The following INTS12 variants were observed in gnomAD, a reference collection of about 807,000 sequenced individuals.
INTS12 encodes integrator complex subunit 12, also known as PHD finger protein 22.
Under a neutral mutation model 41.6 loss-of-function variants are expected in INTS12, and 13 were observed. The observed-to-expected ratio is 0.31, with a 90% CI of 0.20 to 0.50. The LOEUF (loss-of-function observed/expected upper bound fraction) is 0.50. Ranked by LOEUF, INTS12 falls within the 20% of genes least tolerant of loss-of-function variation. INTS12 has a pLI of 0.98. For missense variants in INTS12, 432 were observed against 541.6 expected, an observed-to-expected ratio of 0.80 and a Z score of 2.01; for synonymous variants, 199 against 191.4, an observed-to-expected ratio of 1.04 and a Z score of -0.33.
chr4:105,683,034 G>C lies in INTS12; in HGVS notation c.1088C>G (p.Pro363Arg), dbSNP rs758621387. Residue 363 changes from proline (P) to arginine (R), a missense_variant, in exon 8 of 8, where the codon CCT becomes CGT. By Grantham distance (103) the Pro-to-Arg change is moderately radical (BLOSUM62 -2). Transcript: ENST00000340139. ...STTPTVPLKPPPPLTLGKTGL... is the reference protein window; with the variant it reads ...STTPTVPLKPRPPLTLGKTGL... Reference sequence around the variant, plus strand: ...AGTTTTACCCAAGGTTAGAGGTGGAGGTGGTTTTAAAGGTACAGTGGGCGT... The same window carrying C: ...AGTTTTACCCAAGGTTAGAGGTGGACGTGGTTTTAAAGGTACAGTGGGCGT... 2 of 1,614,016 alleles carry C rather than the reference G, an allele frequency of 1.2e-6. No individual in the cohort carries two copies. Among genetic ancestry groups the C allele is most frequent in the African/African-American group, 1.3e-5 (1 of 74,914 alleles).
intron 1 of INTS12, among the ~76,000 whole-genome samples, chr4:105,704,894 A>G (rs1217614759): frequency 1.3e-5 from 2 of 152,154 alleles, no homozygotes; most frequent in South Asian, 2.1e-4. Flanking sequence ...CTACCACCCT[A>G]GACCAACCTA....
At chr4:105,688,302 G>C (rs1731564870) in intron 6 of INTS12, among the ~76,000 whole-genome samples, 1 of 152,092 alleles carries the variant, frequency 6.6e-6, no homozygotes, top group Non-Finnish European at 1.5e-5. Context: ...TACTATACCA[G>C]GGAATTTATT....
chr4:105,686,842 C>A lies in INTS12; in HGVS notation c.658-4G>T, dbSNP rs754600333. 4 of 1,612,588 alleles carry A rather than the reference C, an allele frequency of 2.5e-6. No homozygotes were observed. Among genetic ancestry groups the A allele is most frequent in the Non-Finnish European group, 3.4e-6 (4 of 1,179,310 alleles). Reference sequence around the variant, plus strand: ...GTGGTTTCTGAGTTTTTTGAGCCTGCAAAAATCAGTGGATTAAATCAGATA... The same window carrying A: ...GTGGTTTCTGAGTTTTTTGAGCCTGAAAAAATCAGTGGATTAAATCAGATA... On this transcript the variant is annotated splice_polypyrimidine_tract_variant and splice_region_variant and intron_variant, in intron 6 of 7. Transcript: ENST00000340139.
intron 6 of INTS12, among the ~76,000 whole-genome samples, chr4:105,689,764 G>C (rs138886381): frequency 0.012 from 1,854 of 152,228 alleles, 50 homozygotes; most frequent in African/African-American, 0.043. Context: ...AAATTAGCTA[G>C]GCCTGGTGGC....
chr4:105,689,315 TATA>T lies in INTS12; in HGVS notation c.658-2480_658-2478del, dbSNP rs1578381801. Among the ~76,000 whole-genome samples the T allele has an allele frequency of 1.1e-4, 16 of 152,350 alleles. No homozygotes were observed. In the South Asian group the frequency reaches 3.3e-3, roughly 32 times the overall value. On this transcript the variant is annotated intron_variant, in intron 6 of 7. Coordinates refer to ENST00000340139, the MANE Select transcript of INTS12 (RefSeq NM_020395.4). ...GAGAAAGGGGATATCAGGTCCTATT[TATA>T]ATATCTTTGAGATACCTTGGAACAA... is the stretch of plus-strand genomic sequence containing the variant.
rs758666032 is a variant in INTS12 at position 105,683,127 on chromosome 4, C to T, written c.995G>A (p.Gly332Asp). 2.5e-6 allele frequency: 4 copies of T among 1,614,056 alleles called. No homozygotes were observed. The highest frequency in any genetic ancestry group is 3.4e-6 in the Non-Finnish European group (4 of 1,179,950). The change falls in exon 8 of 8, where the codon GGT becomes GAT. Residue 332 changes from glycine to aspartate, a missense_variant. Around this residue, in one of 3 missense-constraint regions of INTS12, gnomAD observed 258 missense variants for 309.9 expected, o/e 0.83. Coordinates refer to ENST00000340139, the MANE Select transcript of INTS12 (RefSeq NM_020395.4). ...GGATGATGTTGCCAGACCAGTCAAA[C>T]CCACAGGTTTCTGGTTAGCTGACGA... ...ATSSANQKPV[G>D]LTGLATSSKG...
At chr4:105,686,933 A>G (rs954921386) in intron 6 of INTS12, 95 bp from the exon 7 acceptor site, 1 of 1,051,738 alleles carries the variant, frequency 9.5e-7, no homozygotes, top group Non-Finnish European at 1.4e-6. Flanking sequence ...GAAATGAAAT[A>G]CAGTTGAACA....
At chr4:105,695,147 T>C (rs943479946) in intron 4 of INTS12, among the ~76,000 whole-genome samples, 1 of 151,302 alleles carries the variant, frequency 6.6e-6, no homozygotes, top group Non-Finnish European at 1.5e-5. Context: ...CAGGCTGATC[T>C]TGAACTCCTG....
chr4:105,706,479 G>A (rs1217239959), intron 1 of INTS12: 2 of 151,914 alleles, frequency 1.3e-5, no homozygotes, highest in African/African-American at 4.8e-5. Context: ...CTCTTATCTG[G>A]TCTCAAACAA....
At chr4:105,693,896 T>C (rs1578385424) in intron 4 of INTS12, among the ~76,000 whole-genome samples, 1 of 152,154 alleles carries the variant, frequency 6.6e-6, no homozygotes, top group African/African-American at 2.4e-5. Flanking sequence ...TTGGCAAAAA[T>C]CAAAAAGTCT....
intron 4 of INTS12, among the ~76,000 whole-genome samples, chr4:105,694,209 T>C (rs1365968085): frequency 3.3e-5 from 5 of 152,184 alleles, no homozygotes; most frequent in East Asian, 1.9e-4. Flanking sequence ...ACTGGTATTA[T>C]GTAGTAGCTA....
rs899124187 is a variant in INTS12, at chr4:105,692,120, T to C, written c.513A>G (p.Ala171=). 6.2e-7 allele frequency: 1 copy of C among 1,610,956 alleles called. No homozygotes were observed. Among genetic ancestry groups the C allele is most frequent in the South Asian group, 1.1e-5 (1 of 90,144 alleles). The change falls in exon 6 of 8, where the codon GCA becomes GCG. Residue 171 remains alanine, a synonymous_variant. Transcript: ENST00000340139. ...ACVVCRQMMV[A]SGNQLVECQE... ...GACATTCTACTAATTGATTGCCAGA[T>C]GCCACCATCATTTGCCTAAGAAAAC...
intron 6 of INTS12, 73 bp from the exon 7 acceptor site, chr4:105,686,911 G>T: frequency 7.8e-7 from 1 of 1,289,530 alleles, no homozygotes; most frequent in Non-Finnish European, 1.1e-6. Flanking sequence ...ATCCCTCACA[G>T]GACTCATCAC....
At chr4:105,700,181 C>T (rs1017990549) in intron 2 of INTS12, 167 bp from the exon 3 acceptor site, 20 of 394,058 alleles carry the variant, frequency 5.1e-5, no homozygotes, top group Non-Finnish European at 7.4e-5. Context: ...CTTCTTATTC[C>T]TGACAGGCAT....
intron 1 of INTS12, among the ~76,000 whole-genome samples, chr4:105,706,753 C>T (rs1732278990): frequency 6.6e-6 from 1 of 152,160 alleles, no homozygotes; most frequent in Admixed American, 6.5e-5. Context: ...TTTCCCTACT[C>T]CTTATATTCA....
In INTS12 at chr4:105,703,718, G is replaced by A. The variant is rs1732165924; in HGVS notation, c.-80C>T. On this transcript the variant is annotated 5_prime_UTR_variant, in exon 2 of 8. Transcript: ENST00000340139. ...CTTGGCAATTCTCTCATCCTTCTCT[G>A]GTCAACTCACTTCCCCACTTTCTGC... 1 of 152,056 alleles carries A rather than the reference G, an allele frequency of 6.6e-6. No individual in the cohort carries two copies. Among genetic ancestry groups the A allele is most frequent in the African/African-American group, 2.4e-5 (1 of 41,354 alleles). The allele number at this position is 152,056 out of a possible 1,614,324, so 9.4% of individuals were successfully genotyped here. A position where few individuals can be genotyped will look rare whatever the true frequency, so the allele number is the denominator to read the frequency against.
intron 6 of INTS12, among the ~76,000 whole-genome samples, 170 bp downstream of exon 6, chr4:105,691,806 C>T (rs1731696218): frequency 6.6e-6 from 1 of 152,084 alleles, no homozygotes; most frequent in African/African-American, 2.4e-5. Context: ...ATGGTCTGGT[C>T]TTTAGCAATA....
chr4:105,708,641 TCCGCC>T lies in INTS12; in HGVS notation c.-180_-176del. 1.0e-6 allele frequency: 1 copy of T among 977,146 alleles called. No individual in the cohort carries two copies. Among genetic ancestry groups the T allele is most frequent in the Non-Finnish European group, 1.2e-6 (1 of 824,516 alleles). 60.5% of individuals were successfully genotyped at this position (977,146 alleles called of 1,614,324 possible). A position where few individuals can be genotyped will look rare whatever the true frequency, so the allele number is the denominator to read the frequency against. On this transcript the variant is annotated 5_prime_UTR_variant, in exon 1 of 8. Coordinates refer to ENST00000340139, the MANE Select transcript of INTS12 (RefSeq NM_020395.4). ...AGAGTCGCTCAGCATAACTCACCGT[TCCGCC>T]CCGCCCTGCCGATCCGTCTGTTCCC...
chr4:105,698,576 A>G (rs1297745594), intron 3 of INTS12, among the ~76,000 whole-genome samples: 3 of 152,152 alleles, frequency 2.0e-5, no homozygotes, highest in Admixed American at 6.5e-5. Flanking sequence ...TAGTAATAAT[A>G]GGTTTCCCTA....
Sources: gnomAD v4.1 joint callset for allele counts (sites outside exome capture counted in the v4.1 genomes callset) on GRCh38, gnomAD v4.1.1 for gene constraint, gnomAD v4.1.1 regional missense constraint, MANE v1.5 for transcripts, NCBI Gene and HGNC (gene_info 2026-07-23, HGNC 2026-07-21) for gene names.